The following RANBP2 variants were observed in gnomAD, a reference collection of about 807,000 sequenced individuals.
RANBP2 encodes E3 SUMO-protein ligase RanBP2.
RANBP2 carries 57 observed loss-of-function variants against 303.6 expected under a neutral mutation model. The observed-to-expected ratio is 0.19, with a 90% CI of 0.15 to 0.23. The LOEUF (loss-of-function observed/expected upper bound fraction) is 0.23. RANBP2 is among the 10% of genes least tolerant of loss of function. The pLI is 1.00. For synonymous variants in RANBP2, 1,167 were observed against 1,301.5 expected (o/e 0.90, Z 2.23); for missense variants, 3,138 against 3,780.8 (o/e 0.83, Z 4.46).
chr2:108,911,201 G>A, the RANBP2 span: 2 of 1,183,252 alleles, frequency 1.7e-6, no homozygotes, highest in Non-Finnish European at 2.5e-6. Flanking sequence ...GAAATCTGAG[G>A]TGCTTGCTTA....
the RANBP2 span, among the ~76,000 whole-genome samples, chr2:108,897,680 G>C: frequency 1.3e-5 from 2 of 152,130 alleles, no homozygotes; most frequent in Non-Finnish European, 2.9e-5. Context: ...CCCCAGATTG[G>C]GGTTATCTGA....
chr2:108,781,363 T>A lies in RANBP2; in HGVS notation c.8694T>A (p.Asp2898Glu). ...QSAGKVGEDE[D>E]GSDEEVVHNE... Reference sequence around the variant, plus strand: ...CCGGTAAAGTTGGTGAAGATGAAGATGGTAGTGATGAAGAAGTAGTTCATA... The same window carrying A: ...CCGGTAAAGTTGGTGAAGATGAAGAAGGTAGTGATGAAGAAGTAGTTCATA... The change falls in exon 26 of 29, where the codon GAT becomes GAA. Residue 2898 changes from aspartate (D) to glutamate (E), a missense_variant. This residue lies in a region of RANBP2 where 68 missense variants were observed against 117.4 expected (regional missense o/e 0.58). Transcript: ENST00000283195. 1.2e-6 allele frequency: 2 copies of A among 1,614,220 alleles called. No individual in the cohort carries two copies. The highest frequency in any genetic ancestry group is 2.2e-5 in the South Asian group (2 of 91,090).
At chr2:109,333,012 C>T in the RANBP2 span, among the ~76,000 whole-genome samples, 1 of 152,232 alleles carries the variant, frequency 6.6e-6, no homozygotes, top group Non-Finnish European at 1.5e-5. Context: ...GTCATGTATT[C>T]GTCTTCGGCA....
At chr2:109,078,096 A>ATATATATATAGCG in the RANBP2 span, among the ~76,000 whole-genome samples, 1 of 54,636 alleles carries the variant, frequency 1.8e-5, no homozygotes, top group African/African-American at 1.1e-4. Flanking sequence ...ATATATATAT[A>ATATATATATAGCG]TATATATATA....
the RANBP2 span, among the ~76,000 whole-genome samples, chr2:108,899,815 G>A: frequency 5.9e-5 from 9 of 151,992 alleles, no homozygotes; most frequent in Non-Finnish European, 8.8e-5. Context: ...GTGAAACCCC[G>A]TCTCTACTAA....
the RANBP2 span, among the ~76,000 whole-genome samples, chr2:109,647,651 G>T: frequency 3.3e-5 from 5 of 151,008 alleles, no homozygotes; most frequent in African/African-American, 1.2e-4. Flanking sequence ...TGTATATTTG[G>T]TAGAGATGGG....
At chr2:109,685,630 A>T in the RANBP2 span, among the ~76,000 whole-genome samples, 1 of 152,242 alleles carries the variant, frequency 6.6e-6, no homozygotes, top group East Asian at 1.9e-4. Flanking sequence ...CCTGCTGGGC[A>T]GAGCAGCCCC....
chr2:109,466,530 G>A, the RANBP2 span, among the ~76,000 whole-genome samples: 8 of 152,134 alleles, frequency 5.3e-5, no homozygotes, highest in Non-Finnish European at 1.0e-4. Flanking sequence ...TCTGTGACTT[G>A]TTTTCTCATT....
At chr2:109,398,921 T>C in the RANBP2 span, 1 of 1,612,624 alleles carries the variant, frequency 6.2e-7, no homozygotes, top group East Asian at 2.2e-5. Flanking sequence ...CTTGCTCATC[T>C]GTCGTGCGCT....
At chr2:108,731,886 TAGTA>T (rs1695193457) in intron 4 of RANBP2, 1 of 196,462 alleles carries the variant, frequency 5.1e-6, no homozygotes, top group African/African-American at 2.4e-5. Context: ...CATTTTGAGA[TAGTA>T]AGGTTTTCAA....
chr2:108,768,741 A>G (rs554002153), intron 20 of RANBP2, among the ~76,000 whole-genome samples: 6 of 152,248 alleles, frequency 3.9e-5, no homozygotes, highest in Admixed American at 2.0e-4. Context: ...CTCAGAAAAC[A>G]TGATATTGAG....
chr2:109,078,122 TG>T, the RANBP2 span, among the ~76,000 whole-genome samples: 8 of 64,906 alleles, frequency 1.2e-4, no homozygotes, highest in Non-Finnish European at 2.4e-4. Context: ...ATATATAGCG[TG>T]TATATATATA....
At chr2:109,226,469 C>T in the RANBP2 span, among the ~76,000 whole-genome samples, 6 of 152,278 alleles carry the variant, frequency 3.9e-5, no homozygotes, top group East Asian at 1.2e-3. Context: ...AAGTAAGTAC[C>T]CTGCTGACCT....
chr2:109,273,425 C>T, the RANBP2 span, among the ~76,000 whole-genome samples: 1 of 152,338 alleles, frequency 6.6e-6, no homozygotes, highest in East Asian at 1.9e-4. Flanking sequence ...AGACCCATGC[C>T]TGCCCCCAGG....
At chr2:108,755,375 G>GC (rs1377490246) in intron 17 of RANBP2, 116 bp downstream of exon 17, 2 of 1,477,250 alleles carry the variant, frequency 1.4e-6, no homozygotes, top group African/African-American at 2.9e-5. Flanking sequence ...AAATAGTATG[G>GC]CAAGGGGACA....
the RANBP2 span, among the ~76,000 whole-genome samples, chr2:109,609,200 C>A: frequency 2.6e-5 from 4 of 152,258 alleles, no homozygotes; most frequent in Admixed American, 2.6e-4. Context: ...ACAAACAGCT[C>A]CTGGCTGCCT....
At chr2:109,395,384 C>T in the RANBP2 span, among the ~76,000 whole-genome samples, 4 of 152,214 alleles carry the variant, frequency 2.6e-5, no homozygotes, top group African/African-American at 7.2e-5. Context: ...CAACAGGATA[C>T]AGCCTAACCC....
At chr2:109,530,946 C>T in the RANBP2 span, among the ~76,000 whole-genome samples, 81 of 152,186 alleles carry the variant, frequency 5.3e-4, no homozygotes, top group Non-Finnish European at 1.0e-3. Flanking sequence ...AGGAGCTTCT[C>T]GGGAAATGAA....
the RANBP2 span, among the ~76,000 whole-genome samples, chr2:109,429,999 C>A: frequency 2.0e-5 from 3 of 152,196 alleles, no homozygotes; most frequent in African/African-American, 7.2e-5. Context: ...GGCCACTGAG[C>A]CCCTAGCTCT....
Sources: allele counts gnomAD v4.1 joint callset (sites outside exome capture counted in the v4.1 genomes callset), GRCh38; gene constraint gnomAD v4.1.1; regional missense constraint gnomAD v4.1.1; transcripts MANE v1.5; gene names NCBI Gene and HGNC (gene_info 2026-07-23, HGNC 2026-07-21).